PTPN3: variants seen among roughly 807,000 people sequenced by gnomAD.
The protein encoded by PTPN3 is protein tyrosine phosphatase non-receptor type 3.
Under a neutral mutation model 132.7 loss-of-function variants are expected in PTPN3, and 96 were observed. The observed-to-expected ratio is 0.72, with a 90% CI of 0.61 to 0.86. PTPN3 has a LOEUF of 0.86. Among genes scored for constraint, PTPN3 ranks in the 40% least tolerant of loss-of-function variants. The probability of loss-of-function intolerance (pLI) is 0.00; values close to 1 mark genes in which losing one functional copy is unlikely to be tolerated. For missense variants in PTPN3, 1,125 were observed against 1,159.6 expected (o/e 0.97, Z 0.43); for synonymous variants, 398 against 429.0 (o/e 0.93, Z 0.89).
intron 1 of PTPN3, among the ~76,000 whole-genome samples, chr9:109,472,798 T>C (rs934925490): frequency 3.0e-4 from 45 of 152,338 alleles, no homozygotes; most frequent in African/African-American, 1.0e-3. Flanking sequence ...TAAAATTAGG[T>C]TTTAATGTAA....
chr9:109,418,050 T>C (rs1297516421), intron 14 of PTPN3, among the ~76,000 whole-genome samples: 2 of 152,108 alleles, frequency 1.3e-5, no homozygotes, highest in Admixed American at 6.5e-5. Context: ...GGCTGCTGTA[T>C]TGGACTATGA....
At chr9:109,504,650 T>C in the PTPN3 span, among the ~76,000 whole-genome samples, 1 of 152,232 alleles carries the variant, frequency 6.6e-6, no homozygotes, top group Admixed American at 6.5e-5. Context: ...AAAAACACTC[T>C]TTGGGTGTCC....
At chr9:109,413,579 A>T (rs984553002) in intron 14 of PTPN3, among the ~76,000 whole-genome samples, 2 of 152,150 alleles carry the variant, frequency 1.3e-5, no homozygotes, top group African/African-American at 4.8e-5. Context: ...AGTGGAGTGA[A>T]GAAAGGGGCA....
At position 109,449,918 on chromosome 9, in the gene PTPN3, C is replaced by T. The variant is rs972812252; in HGVS notation, c.369-1063G>A. The T allele has an allele frequency of 3.2e-5, 32 of 985,398 alleles. No individual in the cohort carries two copies. The East Asian group carries it at 2.7e-3, about 84-fold the overall frequency. 61.0% of individuals were successfully genotyped at this position (985,398 alleles called of 1,614,324 possible). On this transcript the variant is annotated intron_variant, in intron 5 of 25. Coordinates refer to ENST00000374541, the MANE Select transcript of PTPN3 (RefSeq NM_002829.4). ...AACCTCCTATTTGCACAGTTCCGGG[C>T]TTTGTACATGGTACTACTTTGTAAC...
At chr9:109,472,344 T>C (rs1057008516) in intron 1 of PTPN3, among the ~76,000 whole-genome samples, 1 of 152,252 alleles carries the variant, frequency 6.6e-6, no homozygotes, top group Admixed American at 6.5e-5. Context: ...ACCAGCACTT[T>C]CTTAAAGCAG....
intron 8 of PTPN3, 25 bp downstream of exon 8, chr9:109,438,089 A>G: frequency 2.5e-6 from 4 of 1,602,402 alleles, no homozygotes; most frequent in Non-Finnish European, 3.4e-6. Flanking sequence ...AAGTCCCCAA[A>G]GTAGGCCACC....
intron 14 of PTPN3, among the ~76,000 whole-genome samples, chr9:109,416,990 T>C (rs1436047629): frequency 2.0e-5 from 3 of 152,190 alleles, no homozygotes; most frequent in Non-Finnish European, 4.4e-5. Flanking sequence ...CATGTCTCTT[T>C]CTTTAGGGAA....
chr9:109,469,131 C>T (rs989868233), intron 1 of PTPN3, among the ~76,000 whole-genome samples: 1 of 152,206 alleles, frequency 6.6e-6, no homozygotes, highest in Non-Finnish European at 1.5e-5. Context: ...GGTAACAGGG[C>T]TGCTACTAGG....
At chr9:109,531,167 C>G in the PTPN3 span, among the ~76,000 whole-genome samples, 2 of 152,132 alleles carry the variant, frequency 1.3e-5, no homozygotes, top group East Asian at 3.8e-4. Context: ...AAGCTTTTCT[C>G]CAAAGTTTTC....
At chr9:109,532,941 T>C in the PTPN3 span, 1 of 618,236 alleles carries the variant, frequency 1.6e-6, no homozygotes, top group African/African-American at 2.2e-5. Context: ...TTTTCTTTTC[T>C]GGGTTTTTTT....
At chr9:109,515,388 C>T in the PTPN3 span, among the ~76,000 whole-genome samples, 2 of 152,090 alleles carry the variant, frequency 1.3e-5, no homozygotes, top group African/African-American at 2.4e-5. Flanking sequence ...AGTTGCTGCT[C>T]CAGAGGTACT....
At chr9:109,496,492 T>C (rs781385749) in intron 1 of PTPN3, among the ~76,000 whole-genome samples, 5 of 152,210 alleles carry the variant, frequency 3.3e-5, no homozygotes, top group African/African-American at 4.8e-5. Flanking sequence ...TACTGTGTAA[T>C]TGGCTGCTCA....
the PTPN3 span, among the ~76,000 whole-genome samples, chr9:109,513,136 G>A: frequency 2.0e-4 from 30 of 152,266 alleles, no homozygotes; most frequent in African/African-American, 7.0e-4. Context: ...AGACTCCTGA[G>A]TAGCTGGGAC....
chr9:109,431,654 G>T (rs542338341), intron 10 of PTPN3, among the ~76,000 whole-genome samples: 1 of 152,264 alleles, frequency 6.6e-6, no homozygotes, highest in Non-Finnish European at 1.5e-5. Context: ...CACATTTTTT[G>T]GTTTTGGAAA....
At chr9:109,479,770 G>C (rs1018706769) in intron 1 of PTPN3, among the ~76,000 whole-genome samples, 10 of 152,074 alleles carry the variant, frequency 6.6e-5, no homozygotes. Context: ...TGGTAGACTG[G>C]GTTTCGCCCT....
At chr9:109,427,297 C>T (rs1380692490) in intron 11 of PTPN3, among the ~76,000 whole-genome samples, 175 bp from the exon 12 acceptor site, 3 of 152,200 alleles carry the variant, frequency 2.0e-5, no homozygotes, top group African/African-American at 7.2e-5. Context: ...GATTTGTTAA[C>T]CGTCTTTATG....
chr9:109,443,900 C>T (rs1005345519), intron 7 of PTPN3, among the ~76,000 whole-genome samples: 9 of 152,196 alleles, frequency 5.9e-5, no homozygotes, highest in African/African-American at 2.2e-4. Flanking sequence ...GTCCCCTGCC[C>T]TCCACCTCCT....
At chr9:109,389,471 T>C (rs1839881672) in intron 21 of PTPN3, 92 bp from the exon 22 acceptor site, 5 of 1,291,422 alleles carry the variant, frequency 3.9e-6, no homozygotes, top group South Asian at 1.6e-5. Flanking sequence ...CTAATTGATA[T>C]TGCACCAGAA....
At chr9:109,419,843 G>C (rs1368272022) in intron 14 of PTPN3, among the ~76,000 whole-genome samples, 1 of 152,084 alleles carries the variant, frequency 6.6e-6, no homozygotes, top group Non-Finnish European at 1.5e-5. Context: ...GAGCTATGAG[G>C]GAACTCTGTC....
Sources: gnomAD v4.1 joint callset for allele counts (sites outside exome capture counted in the v4.1 genomes callset) on GRCh38, gnomAD v4.1.1 for gene constraint, MANE v1.5 for transcripts, NCBI Gene and HGNC (gene_info 2026-07-23, HGNC 2026-07-21) for gene names.